TMEM132D: variants seen among roughly 807,000 people sequenced by gnomAD.
The protein encoded by TMEM132D is transmembrane protein 132D, also known as mature OL transmembrane protein.
Under a neutral mutation model 62.3 loss-of-function variants are expected in TMEM132D, and 21 were observed. The observed-to-expected ratio is 0.34, with a 90% CI of 0.24 to 0.49. The LOEUF (loss-of-function observed/expected upper bound fraction) is 0.49. Among genes scored for constraint, TMEM132D ranks in the 20% least tolerant of loss-of-function variants. The pLI is 0.99. For missense variants in TMEM132D, 1,346 were observed against 1,402.8 expected (o/e 0.96, Z 0.65); for synonymous variants, 621 against 575.6 (o/e 1.08, Z -1.13).
intron 3 of TMEM132D, among the ~76,000 whole-genome samples, chr12:129,525,640 A>C (rs767211174): frequency 3.9e-5 from 6 of 152,174 alleles, no homozygotes; most frequent in Non-Finnish European, 7.3e-5. Context: ...TTTGATTCTC[A>C]CAACAGTCCA....
chr12:129,559,902 T>C (rs12832744), intron 2 of TMEM132D, among the ~76,000 whole-genome samples: 1,694 of 152,216 alleles, frequency 0.011, 11 homozygotes, highest in Non-Finnish European at 0.017. Flanking sequence ...GAAAACCCCC[T>C]GGGAAAACAG....
At chr12:129,432,521 T>C (rs1872691287) in intron 3 of TMEM132D, among the ~76,000 whole-genome samples, 1 of 152,246 alleles carries the variant, frequency 6.6e-6, no homozygotes. Flanking sequence ...TAAGACAACT[T>C]TTCTTCATTG....
intron 2 of TMEM132D, among the ~76,000 whole-genome samples, chr12:129,599,570 C>T (rs1252597210): frequency 6.6e-6 from 1 of 152,160 alleles, no homozygotes. Context: ...TGTCATGAAT[C>T]AGTGGGATTC....
At chr12:129,898,942 G>A (rs191030489) in intron 1 of TMEM132D, among the ~76,000 whole-genome samples, 37 of 152,212 alleles carry the variant, frequency 2.4e-4, no homozygotes, top group African/African-American at 7.0e-4. Flanking sequence ...TTAAAGCAAC[G>A]GAGTAATGGT....
At chr12:129,452,680 A>G (rs928810562) in intron 3 of TMEM132D, among the ~76,000 whole-genome samples, 2 of 151,858 alleles carry the variant, frequency 1.3e-5, no homozygotes, top group African/African-American at 4.8e-5. Flanking sequence ...TATTTTTAAA[A>G]GAAAGGAAGA....
intron 3 of TMEM132D, among the ~76,000 whole-genome samples, chr12:129,357,850 G>A (rs1870123499): frequency 6.6e-6 from 1 of 152,150 alleles, no homozygotes; most frequent in Admixed American, 6.5e-5. Context: ...TCTCCCCAGT[G>A]GAAGATCTGC....
At chr12:129,589,731 A>C (rs374082131) in intron 2 of TMEM132D, among the ~76,000 whole-genome samples, 2 of 152,184 alleles carry the variant, frequency 1.3e-5, no homozygotes, top group Non-Finnish European at 2.9e-5. Context: ...GAGCAAATCT[A>C]CAGCCACAGT....
In TMEM132D at chr12:129,903,059, C is replaced by T. The variant is rs1226512013; in HGVS notation, c.79+202G>A. On this transcript the variant is annotated intron_variant, in intron 1 of 8. Coordinates refer to ENST00000422113, the MANE Select transcript of TMEM132D (RefSeq NM_133448.3). The surrounding 1 kb of genome is among the most constrained non-coding windows in gnomAD (Gnocchi z 6.2). ...TCCCACCCAAGTGCTCCAGGACAAG[C>T]ACCTTCGGCCAAGGGGCGTCCGAGG... Among the ~76,000 whole-genome samples, 1 of 152,212 alleles carries T rather than the reference C, an allele frequency of 6.6e-6. No individual in the cohort carries two copies. Among genetic ancestry groups the T allele is most frequent in the Non-Finnish European group, 1.5e-5 (1 of 68,036 alleles).
Position 129,640,277 on chromosome 12 carries a change from G to GA in TMEM132D, c.968+59532dup, listed in dbSNP as rs953008365. 1.7e-3 allele frequency among the ~76,000 whole-genome samples: 256 copies of GA among 151,724 alleles called. 3 individuals carry two copies. Among genetic ancestry groups the GA allele is most frequent in the African/African-American group, 4.4e-3 (181 of 41,372 alleles). On this transcript the variant is annotated intron_variant, in intron 2 of 8. Transcript: ENST00000422113. ...CTATTCAGCTCTGAGAGTTTAGCAG[G>GA]AAAAAAAAGCCACAGACACAACATA...
At chr12:129,377,499 G>A (rs188369686) in intron 3 of TMEM132D, among the ~76,000 whole-genome samples, 12 of 152,224 alleles carry the variant, frequency 7.9e-5, no homozygotes, top group Admixed American at 5.9e-4. Context: ...CATCTCCATC[G>A]AGAAATGCTG....
At chr12:129,335,364 C>G (rs139269237) in intron 4 of TMEM132D, among the ~76,000 whole-genome samples, 4 of 152,120 alleles carry the variant, frequency 2.6e-5, no homozygotes, top group African/African-American at 7.2e-5. Context: ...TCTTGAACTC[C>G]TGGCCTCAAG....
At chr12:129,869,064 G>GT (rs11308735) in intron 1 of TMEM132D, among the ~76,000 whole-genome samples, 21,052 of 147,302 alleles carry the variant, frequency 0.14, 2,163 homozygotes, top group East Asian at 0.59. Flanking sequence ...TTTGCTTTGT[G>GT]TTTTTTTTTT....
intron 1 of TMEM132D, among the ~76,000 whole-genome samples, chr12:129,758,141 G>T (rs1221600626): frequency 2.0e-5 from 3 of 152,076 alleles, no homozygotes; most frequent in African/African-American, 7.2e-5. Flanking sequence ...CCGACCTCAG[G>T]TGATCCTCCT....
Position 129,700,127 on chromosome 12 carries a change from G to A in TMEM132D, c.651C>T (p.Asp217=), listed in dbSNP as rs760220462. The A allele has an allele frequency of 5.6e-6, 9 of 1,613,196 alleles. No homozygotes were observed. Among genetic ancestry groups the A allele is most frequent in the African/African-American group, 5.3e-5 (4 of 74,908 alleles). The change falls in exon 2 of 9, where the codon GAC becomes GAT. Residue 217 remains aspartate, a synonymous_variant. Transcript: ENST00000422113. The part of the protein sequence containing the change: ...TVVAGRRKSV[D]QPEGTPVELY... Reference sequence around the variant, plus strand: ...GCTCCACGGGGGTCCCCTCCGGCTGGTCCACGGACTTCCTCCTCCCGGCAA... The same window carrying A: ...GCTCCACGGGGGTCCCCTCCGGCTGATCCACGGACTTCCTCCTCCCGGCAA...
intron 2 of TMEM132D, among the ~76,000 whole-genome samples, chr12:129,660,147 T>C (rs1050120684): frequency 1.7e-4 from 26 of 152,110 alleles, no homozygotes; most frequent in African/African-American, 6.0e-4. Context: ...GGATGACTCA[T>C]GTATTGTAAA....
intron 3 of TMEM132D, among the ~76,000 whole-genome samples, chr12:129,338,181 A>G (rs912034852): frequency 3.3e-5 from 5 of 152,148 alleles, no homozygotes; most frequent in Non-Finnish European, 4.4e-5. Flanking sequence ...ACTCTCACAA[A>G]TTTCTAGGCA....
intron 1 of TMEM132D, among the ~76,000 whole-genome samples, chr12:129,722,456 A>G (rs925225976): frequency 6.6e-6 from 1 of 152,192 alleles, no homozygotes; most frequent in Non-Finnish European, 1.5e-5. Flanking sequence ...CTAAGATGGG[A>G]GAAGGCGAAG....
intron 6 of TMEM132D, among the ~76,000 whole-genome samples, chr12:129,082,281 G>A (rs939672408): frequency 6.6e-6 from 1 of 152,144 alleles, no homozygotes; most frequent in Non-Finnish European, 1.5e-5. Flanking sequence ...CTGGTGAGGG[G>A]TTTACTACTT....
chr12:129,615,839 ATAAAAT>A (rs1346359096), intron 2 of TMEM132D, among the ~76,000 whole-genome samples: 47 of 151,096 alleles, frequency 3.1e-4, no homozygotes, highest in Middle Eastern at 3.4e-3. Flanking sequence ...ATAAAATAAA[ATAAAAT>A]AAGATAGCTG....
Sources: gnomAD v4.1 joint callset for allele counts (sites outside exome capture counted in the v4.1 genomes callset) on GRCh38, gnomAD v4.1.1 for gene constraint, Gnocchi (gnomAD v3.1) non-coding constraint, MANE v1.5 for transcripts, NCBI Gene and HGNC (gene_info 2026-07-23, HGNC 2026-07-21) for gene names.